SUCLG2: variants seen among roughly 807,000 people sequenced by gnomAD.
SUCLG2 encodes succinate-CoA ligase GDP-forming subunit beta.
In SUCLG2, 42 loss-of-function variants were observed where a neutral mutation model predicts 47.9. The observed-to-expected ratio is 0.88, with a 90% CI of 0.69 to 1.14. SUCLG2 has a LOEUF of 1.14. Among genes scored for constraint, SUCLG2 ranks in the 50% most tolerant of loss-of-function variants. The pLI is 0.00. For missense variants in SUCLG2, 571 were observed against 525.9 expected (o/e 1.09, Z -0.84); for synonymous variants, 195 against 197.3 (o/e 0.99, Z 0.10).
intron 8 of SUCLG2, 61 bp downstream of exon 8, chr3:67,498,073 C>T (rs1559548228): frequency 6.7e-7 from 1 of 1,493,650 alleles, no homozygotes; most frequent in Non-Finnish European, 9.1e-7. Context: ...TTTCAGAAAT[C>T]AAGGTTTCCT....
chr3:67,396,710 A>G (rs1174647893), intron 10 of SUCLG2, among the ~76,000 whole-genome samples: 1 of 152,202 alleles, frequency 6.6e-6, no homozygotes, highest in African/African-American at 2.4e-5. Flanking sequence ...CCTGGCAGAG[A>G]CACAACCAAA....
chr3:67,389,254 G>C (rs1421717982), intron 10 of SUCLG2, among the ~76,000 whole-genome samples: 1 of 152,128 alleles, frequency 6.6e-6, no homozygotes, highest in South Asian at 2.1e-4. Context: ...ATAGTTGATG[G>C]ACTTGGGAAA....
rs56772040 is a variant in SUCLG2, at chr3:67,499,515, G to C, written c.758-1220C>G. ...TTCTGGAGCTGGTGGAAATCTCCTG[G>C]ACCCAGCAAAACTCATTCCATAATA... is the stretch of plus-strand genomic sequence containing the variant. On this transcript the variant is annotated intron_variant, in intron 7 of 10. Coordinates refer to ENST00000307227, the MANE Select transcript of SUCLG2 (RefSeq NM_003848.4). 1.5e-3 allele frequency among the ~76,000 whole-genome samples: 222 copies of C among 152,124 alleles called. 1 individual carries two copies. The highest frequency in any genetic ancestry group is 5.0e-3 in the African/African-American group (209 of 41,502).
At chr3:67,525,967 T>C (rs973445442) in intron 4 of SUCLG2, among the ~76,000 whole-genome samples, 2 of 152,126 alleles carry the variant, frequency 1.3e-5, no homozygotes, top group African/African-American at 4.8e-5. Context: ...CAAAAGAAAT[T>C]TGCTTTGTCT....
chr3:67,471,765 C>A (rs373516632), intron 9 of SUCLG2, among the ~76,000 whole-genome samples: 80 of 152,256 alleles, frequency 5.3e-4, no homozygotes, highest in African/African-American at 1.9e-3. Flanking sequence ...CATGGCTGGG[C>A]TCTGGATCTC....
rs79998954 is a variant in SUCLG2 at position 67,555,538 on chromosome 3, C to T, written c.227-26352G>A. 4.3e-3 allele frequency among the ~76,000 whole-genome samples: 654 copies of T among 152,134 alleles called. 9 individuals carry two copies. The East Asian group carries it at 0.051, about 12-fold the overall frequency. ...CAACCAGGGTTTCTTAGAGAAATGG[C>T]TGATACCAGGGCTGGGACAAAAAAG... On this transcript the variant is annotated intron_variant, in intron 2 of 10. Coordinates refer to ENST00000307227, the MANE Select transcript of SUCLG2 (RefSeq NM_003848.4).
intron 1 of SUCLG2, among the ~76,000 whole-genome samples, chr3:67,631,157 G>C (rs1385525447): frequency 6.6e-6 from 1 of 152,162 alleles, no homozygotes; most frequent in African/African-American, 2.4e-5. Flanking sequence ...GCCTCCCAGT[G>C]CAGGTATGTG....
intron 9 of SUCLG2, among the ~76,000 whole-genome samples, chr3:67,471,148 T>A (rs1401221436): frequency 6.6e-6 from 1 of 151,966 alleles, no homozygotes; most frequent in Non-Finnish European, 1.5e-5. Flanking sequence ...TAAGAAAGAG[T>A]TATTGGAGAA....
At chr3:67,490,555 T>C (rs1266547797) in intron 9 of SUCLG2, among the ~76,000 whole-genome samples, 1 of 152,216 alleles carries the variant, frequency 6.6e-6, no homozygotes, top group Non-Finnish European at 1.5e-5. Flanking sequence ...ACACCTTCCA[T>C]CAATTTCAAA....
chr3:67,520,344 G>C (rs986304721), intron 5 of SUCLG2, 138 bp downstream of exon 5: 2 of 1,267,368 alleles, frequency 1.6e-6, no homozygotes, highest in Non-Finnish European at 2.2e-6. Context: ...TACCCAGAAA[G>C]AAAAAGGGCT....
At chr3:67,386,448 T>C (rs1383115596) in intron 10 of SUCLG2, among the ~76,000 whole-genome samples, 1 of 151,978 alleles carries the variant, frequency 6.6e-6, no homozygotes, top group Non-Finnish European at 1.5e-5. Context: ...ACATCTACTG[T>C]ATTAGTCTGT....
intron 9 of SUCLG2, among the ~76,000 whole-genome samples, chr3:67,439,276 A>G (rs1204578031): frequency 2.0e-5 from 3 of 152,208 alleles, no homozygotes; most frequent in African/African-American, 7.2e-5. Flanking sequence ...CCCACAGACA[A>G]TATCACACTG....
At chr3:67,412,014 C>G (rs984485174) in intron 9 of SUCLG2, among the ~76,000 whole-genome samples, 1 of 152,112 alleles carries the variant, frequency 6.6e-6, no homozygotes, top group Admixed American at 6.5e-5. Context: ...AGAATTCATT[C>G]TACACTGACC....
At chr3:67,468,894 A>G (rs1704536750) in intron 9 of SUCLG2, among the ~76,000 whole-genome samples, 1 of 152,218 alleles carries the variant, frequency 6.6e-6, no homozygotes, top group Non-Finnish European at 1.5e-5. Context: ...TAATCAAACA[A>G]GAAAGAGTAT....
chr3:67,444,038 C>T (rs1283115664), intron 9 of SUCLG2, among the ~76,000 whole-genome samples: 4 of 121,838 alleles, frequency 3.3e-5, no homozygotes, highest in African/African-American at 1.1e-4. Context: ...GCCTGGCCAG[C>T]CGCCCCGTCC....
chr3:67,494,758 C>T lies in SUCLG2; in HGVS notation c.1062+1040G>A, dbSNP rs182501668. ...AGACTTTCAAAATATTTTGGTCTTT[C>T]TACATAACAAGCATCTACCTAAACC... On this transcript the variant is annotated intron_variant, in intron 9 of 10. Transcript: ENST00000307227. Among the ~76,000 whole-genome samples the T allele has an allele frequency of 2.7e-3, 408 of 152,252 alleles. 5 individuals carry two copies. Among genetic ancestry groups the T allele is most frequent in the African/African-American group, 9.3e-3 (386 of 41,546 alleles).
At chr3:67,465,492 C>T (rs1312738872) in intron 9 of SUCLG2, among the ~76,000 whole-genome samples, 1 of 152,196 alleles carries the variant, frequency 6.6e-6, no homozygotes, top group African/African-American at 2.4e-5. Context: ...TCTCTGGCCA[C>T]CCCATCTACA....
chr3:67,605,449 C>T (rs1559592700), intron 2 of SUCLG2, among the ~76,000 whole-genome samples: 2 of 152,162 alleles, frequency 1.3e-5, no homozygotes, highest in South Asian at 4.1e-4. Flanking sequence ...TAAATTTCCC[C>T]TTAGATCAAA....
chr3:67,368,343 C>T (rs1181869825), intron 10 of SUCLG2, among the ~76,000 whole-genome samples: 1 of 152,120 alleles, frequency 6.6e-6, no homozygotes, highest in Non-Finnish European at 1.5e-5. Context: ...TACAGTGTTT[C>T]TTTTCAGTCT....
Sources: gnomAD v4.1 joint callset for allele counts (sites outside exome capture counted in the v4.1 genomes callset) on GRCh38, gnomAD v4.1.1 for gene constraint, MANE v1.5 for transcripts, NCBI Gene and HGNC (gene_info 2026-07-23, HGNC 2026-07-21) for gene names.